The following TACC2 variants were observed in gnomAD, a reference collection of about 807,000 sequenced individuals.
The protein encoded by TACC2 is transforming acidic coiled-coil-containing protein 2.
TACC2 carries 137 observed loss-of-function variants against 227.3 expected under a neutral mutation model. That is an observed-to-expected ratio of 0.60 (90% confidence interval 0.52 to 0.69). The LOEUF (loss-of-function observed/expected upper bound fraction) is 0.69. TACC2 is among the 30% of genes least tolerant of loss of function. TACC2 has a pLI of 0.00. For missense variants in TACC2, 3,470 were observed against 3,694.4 expected (o/e 0.94, Z 1.57); for synonymous variants, 1,523 against 1,487.5 (o/e 1.02, Z -0.55).
chr10:122,094,321 G>T (rs1480554669), intron 5 of TACC2, among the ~76,000 whole-genome samples: 2 of 152,066 alleles, frequency 1.3e-5, no homozygotes, highest in Non-Finnish European at 2.9e-5. Context: ...TTGTCTCTTA[G>T]GATGGAGTGA....
intron 11 of TACC2, among the ~76,000 whole-genome samples, chr10:122,223,170 T>G (rs1031372318): frequency 2.0e-4 from 30 of 151,558 alleles, no homozygotes; most frequent in Non-Finnish European, 5.9e-5. Flanking sequence ...TCTTCTGCCT[T>G]AGCCTCCCAA....
chr10:122,171,404 C>T (rs1202024683), intron 7 of TACC2, among the ~76,000 whole-genome samples: 2 of 152,328 alleles, frequency 1.3e-5, no homozygotes, highest in East Asian at 3.9e-4. Context: ...GCCCTACTGA[C>T]AGGCAGTCAC....
chr10:122,064,931 C>T lies in TACC2; in HGVS notation c.146+14381C>T, dbSNP rs61206842. On this transcript the variant is annotated intron_variant, in intron 3 of 22. Transcript: ENST00000369005. Reference sequence around the variant, plus strand: ...TCATACCAGATTGTTCTCTCTTGTTCCTTCCCAGTCAATACCCCTGCCCAA... The same window carrying T: ...TCATACCAGATTGTTCTCTCTTGTTTCTTCCCAGTCAATACCCCTGCCCAA... Among the ~76,000 whole-genome samples the T allele has an allele frequency of 5.9e-3, 904 of 152,232 alleles. 13 individuals carry two copies. The highest frequency in any genetic ancestry group is 0.021 in the African/African-American group (867 of 41,534).
chr10:122,207,940 C>T (rs2095177293), intron 8 of TACC2, among the ~76,000 whole-genome samples: 1 of 152,132 alleles, frequency 6.6e-6, no homozygotes, highest in Admixed American at 6.5e-5. Context: ...AGCACCTGGT[C>T]CCCCTCAGCA....
In TACC2 at chr10:121,996,114, G is replaced by C. The variant is rs569416754; in HGVS notation, c.-46+6626G>C. Among the ~76,000 whole-genome samples, 3 of 152,096 alleles carry C rather than the reference G, an allele frequency of 2.0e-5. No homozygotes were observed. The South Asian group carries it at 6.2e-4, about 32-fold the overall frequency. ...GGATCTTGCTCTGTTGCCCAAGCTG[G>C]AGTGCAGTGGTCCAGTGTAGCCTTG... On this transcript the variant is annotated intron_variant, in intron 1 of 22. Coordinates refer to ENST00000369005, the MANE Select transcript of TACC2 (RefSeq NM_206862.4).
chr10:122,045,819 C>T (rs989695741), intron 2 of TACC2, among the ~76,000 whole-genome samples: 5 of 152,204 alleles, frequency 3.3e-5, no homozygotes, highest in African/African-American at 1.2e-4. Flanking sequence ...GCTTTTAACT[C>T]CATCCAGATA....
rs146393266 is a variant in TACC2 at position 122,173,369 on chromosome 10, C to T, written c.5835-21671C>T. Among the ~76,000 whole-genome samples, 274 of 152,340 alleles carry T rather than the reference C, an allele frequency of 1.8e-3. 1 individual carries two copies. Among genetic ancestry groups the T allele is most frequent in the African/African-American group, 6.0e-3 (250 of 41,584 alleles). On this transcript the variant is annotated intron_variant, in intron 7 of 22. Coordinates refer to ENST00000369005, the MANE Select transcript of TACC2 (RefSeq NM_206862.4). ...CCAGCCTCAGTGACCCAGAGCCAGG[C>T]TGGGGTCTGAAAAGAGAGCGGGGCT... is the stretch of plus-strand genomic sequence containing the variant.
rs1329494874 is a variant in TACC2 at position 122,180,926 on chromosome 10, TAG to T, written c.5835-14110_5835-14109del. Among the ~76,000 whole-genome samples, 1 of 151,828 alleles carries T rather than the reference TAG, an allele frequency of 6.6e-6. No individual in the cohort carries two copies. Among genetic ancestry groups the T allele is most frequent in the Non-Finnish European group, 1.5e-5 (1 of 67,984 alleles). On this transcript the variant is annotated intron_variant, in intron 7 of 22. Transcript: ENST00000369005. This position sits in a 1 kb window ranked among gnomAD's most constrained non-coding sequence, Gnocchi z 4.5. The stretch of plus-strand genomic sequence containing the variant: ...GTCCACCTAATTTTTATATTTTTAG[TAG>T]AGACAGGGTTTCACCATGTTGCCCA...
chr10:122,102,584 C>T (rs1472321233), intron 5 of TACC2, among the ~76,000 whole-genome samples: 1 of 152,210 alleles, frequency 6.6e-6, no homozygotes, highest in Non-Finnish European at 1.5e-5. Context: ...GTACAGCAGG[C>T]AGGGCATTGC....
intron 1 of TACC2, among the ~76,000 whole-genome samples, chr10:122,004,015 C>T (rs1954751322): frequency 6.6e-6 from 1 of 151,906 alleles, no homozygotes. Flanking sequence ...CGCCTGTAAT[C>T]CTAGCACTTT....
chr10:122,021,702 T>C (rs115368278), intron 1 of TACC2, among the ~76,000 whole-genome samples: 153 of 152,294 alleles, frequency 1.0e-3, no homozygotes, highest in African/African-American at 3.4e-3. Context: ...AAACCCGTTT[T>C]TCAGAAGTGT....
At chr10:122,202,883 A>G (rs1222000643) in intron 8 of TACC2, among the ~76,000 whole-genome samples, 2,657 of 151,118 alleles carry the variant, frequency 0.018, 58 homozygotes, top group African/African-American at 0.061. Flanking sequence ...GCTGCCTTCA[A>G]GCATCTGTTT....
At chr10:122,021,170 A>G (rs892724692) in intron 1 of TACC2, among the ~76,000 whole-genome samples, 36 of 149,042 alleles carry the variant, frequency 2.4e-4, no homozygotes, top group African/African-American at 8.4e-4. Context: ...TGGAAGTTGC[A>G]GTGAGTCGAG....
At chr10:122,104,818 T>C (rs2082566591) in intron 5 of TACC2, among the ~76,000 whole-genome samples, 1 of 152,236 alleles carries the variant, frequency 6.6e-6, no homozygotes, top group Non-Finnish European at 1.5e-5. Context: ...TGACTTATCC[T>C]CTAAAACTCA....
rs534435138 is a variant in TACC2, at chr10:122,155,897, G to A, written c.5834+12191G>A. On this transcript the variant is annotated intron_variant, in intron 7 of 22. Coordinates refer to ENST00000369005, the MANE Select transcript of TACC2 (RefSeq NM_206862.4). ...CTGTCGCCCAGGCTGGAGTGCAGTG[G>A]CGCAATCTTGGCTCACTGCAATCTC... Among the ~76,000 whole-genome samples the A allele has an allele frequency of 1.3e-4, 19 of 148,530 alleles. No individual in the cohort carries two copies. The South Asian group carries it at 4.0e-3, about 32-fold the overall frequency.
chr10:122,253,756 A>C (rs1382457991), intron 22 of TACC2, among the ~76,000 whole-genome samples: 2 of 152,172 alleles, frequency 1.3e-5, no homozygotes, highest in Non-Finnish European at 2.9e-5. Context: ...ACATGTTATC[A>C]CCTATGTTCT....
At chr10:122,077,188 A>G (rs2078918705) in intron 3 of TACC2, among the ~76,000 whole-genome samples, 1 of 151,460 alleles carries the variant, frequency 6.6e-6, no homozygotes, top group South Asian at 2.1e-4. Flanking sequence ...ATCTCTGTAT[A>G]TTTAGTATCC....
At position 122,211,278 on chromosome 10, in the gene TACC2, C is replaced by T. The variant is rs985529652; in HGVS notation, c.6853C>T (p.Pro2285Ser). Residue 2285 changes from proline to serine, a missense_variant, in exon 9 of 23, where the codon CCT becomes TCT. Pro to Ser is a moderately conservative substitution (Grantham distance 74). This residue lies in a region of TACC2 where 593 missense variants were observed against 636.6 expected (regional missense o/e 0.93). Transcript: ENST00000369005. ...SWDNQQENPP[P>S]TKKIGKKPVA... Reference sequence around the variant, plus strand: ...GGACAACCAGCAGGAAAACCCCCCTCCTACCAAAAAGATAGGCAAAAAGCC... The same window carrying T: ...GGACAACCAGCAGGAAAACCCCCCTTCTACCAAAAAGATAGGCAAAAAGCC... 48 of 1,613,998 alleles carry T rather than the reference C, an allele frequency of 3.0e-5. No individual in the cohort carries two copies. The highest frequency in any genetic ancestry group is 3.9e-5 in the Non-Finnish European group (46 of 1,180,028).
intron 6 of TACC2, among the ~76,000 whole-genome samples, chr10:122,139,838 C>T (rs1333811215): frequency 6.6e-6 from 1 of 152,158 alleles, no homozygotes; most frequent in Admixed American, 6.5e-5. Flanking sequence ...TGGCCTGCAC[C>T]TTGGGGGCTG....
Sources: gnomAD v4.1 joint callset for allele counts (sites outside exome capture counted in the v4.1 genomes callset) on GRCh38, gnomAD v4.1.1 for gene constraint, gnomAD v4.1.1 regional missense constraint, Gnocchi (gnomAD v3.1) non-coding constraint, MANE v1.5 for transcripts, NCBI Gene and HGNC (gene_info 2026-07-23, HGNC 2026-07-21) for gene names.